Variants in PKP4 observed in about 807,000 individuals in gnomAD.
The protein encoded by PKP4 is plakophilin-4.
PKP4 carries 90 observed loss-of-function variants against 145.1 expected under a neutral mutation model. The ratio of observed to expected loss-of-function variants is 0.62; its 90% CI spans 0.52 to 0.74. The LOEUF is 0.74. Ranked by LOEUF, PKP4 falls within the 30% of genes least tolerant of loss-of-function variation. PKP4 has a pLI of 0.00. For synonymous variants in PKP4, 563 were observed against 577.2 expected (o/e 0.98, Z 0.35); for missense variants, 1,340 against 1,482.7 (o/e 0.90, Z 1.58).
intron 2 of PKP4, among the ~76,000 whole-genome samples, chr2:158,566,744 A>G (rs2047020877): frequency 1.3e-5 from 2 of 152,156 alleles, no homozygotes; most frequent in African/African-American, 4.8e-5. Context: ...TTTGACTACT[A>G]AGGCTTTCCC....
At chr2:158,551,273 T>C (rs903489236) in intron 2 of PKP4, among the ~76,000 whole-genome samples, 17 of 152,214 alleles carry the variant, frequency 1.1e-4, no homozygotes, top group African/African-American at 4.1e-4. Context: ...ACTGTTTGCC[T>C]CTAGGTTGTT....
intron 12 of PKP4, chr2:158,658,545 C>T (rs986639287): frequency 5.0e-6 from 2 of 396,804 alleles, no homozygotes; most frequent in Non-Finnish European, 8.8e-6. Context: ...CTCAGAAAGG[C>T]CCTTTCAGTC....
Position 158,624,862 on chromosome 2 carries a change from C to T in PKP4, c.604-16C>T, listed in dbSNP as rs374426398. Reference sequence around the variant, plus strand: ...CCTGGATAAACCCATTCTCTTTTTTCCCCCCCTTTCATCAGCCATCAGTAG... The same window carrying T: ...CCTGGATAAACCCATTCTCTTTTTTTCCCCCCTTTCATCAGCCATCAGTAG... On this transcript the variant is annotated splice_polypyrimidine_tract_variant and intron_variant, in intron 6 of 21. Transcript: ENST00000389759. 2.0e-6 allele frequency: 3 copies of T among 1,536,838 alleles called. No individual in the cohort carries two copies. The highest frequency in any genetic ancestry group is 2.3e-5 in the East Asian group (1 of 44,116).
Position 158,666,510 on chromosome 2 carries a change from T to C in PKP4, c.2675T>C (p.Val892Ala), listed in dbSNP as rs1199235418. 6.2e-7 allele frequency: 1 copy of C among 1,613,766 alleles called. No homozygotes were observed. The highest frequency in any genetic ancestry group is 1.3e-5 in the African/African-American group (1 of 75,034). ...GATAACGATAGAGTTGTTTCTTCCG[T>C]GGCAACAGCCTTGAGGAATATGGCA... ...RMDNDRVVSS[V>A]ATALRNMALD... The change falls in exon 16 of 22, where the codon GTG becomes GCG. Residue 892 changes from valine to alanine, a missense_variant. Coordinates refer to ENST00000389759, the MANE Select transcript of PKP4 (RefSeq NM_003628.6).
At chr2:158,581,322 G>C (rs1445257846) in intron 3 of PKP4, among the ~76,000 whole-genome samples, 5 of 152,144 alleles carry the variant, frequency 3.3e-5, no homozygotes, top group Non-Finnish European at 5.9e-5. Context: ...AGTTTAATCA[G>C]CAAACTGGGG....
intron 2 of PKP4, among the ~76,000 whole-genome samples, chr2:158,571,258 T>A (rs945205710): frequency 6.6e-6 from 1 of 152,124 alleles, no homozygotes; most frequent in African/African-American, 2.4e-5. Context: ...CAAAAGACAA[T>A]GAGCTTTTGC....
chr2:158,492,830 T>G (rs1055527900), intron 1 of PKP4, among the ~76,000 whole-genome samples: 2 of 152,252 alleles, frequency 1.3e-5, no homozygotes, highest in African/African-American at 4.8e-5. Context: ...AACCAAAAGA[T>G]GGACTACCCA....
At chr2:158,581,202 C>G (rs1253554475) in intron 3 of PKP4, among the ~76,000 whole-genome samples, 2 of 152,150 alleles carry the variant, frequency 1.3e-5, no homozygotes, top group Admixed American at 6.5e-5. Context: ...GACCCAGGCC[C>G]CCTTTCCGGT....
chr2:158,504,722 G>A (rs1032273632), intron 1 of PKP4, among the ~76,000 whole-genome samples: 4 of 151,648 alleles, frequency 2.6e-5, no homozygotes, highest in South Asian at 2.1e-4. Flanking sequence ...TAAATGTATC[G>A]CAAATCAGAT....
intron 8 of PKP4, among the ~76,000 whole-genome samples, 167 bp from the exon 9 acceptor site, chr2:158,633,903 T>G (rs949135590): frequency 3.3e-5 from 5 of 152,214 alleles, no homozygotes; most frequent in Non-Finnish European, 7.3e-5. Context: ...ATTAAAAACT[T>G]AAGTACCCTT....
chr2:158,534,534 T>C (rs1173712930), intron 2 of PKP4, among the ~76,000 whole-genome samples: 1 of 152,228 alleles, frequency 6.6e-6, no homozygotes, highest in Admixed American at 6.5e-5. Flanking sequence ...GACTCTTCGA[T>C]AGCACTTCAT....
intron 1 of PKP4, among the ~76,000 whole-genome samples, chr2:158,469,004 C>A (rs1283400702): frequency 1.3e-5 from 2 of 151,964 alleles, no homozygotes; most frequent in Non-Finnish European, 2.9e-5. Flanking sequence ...GTCTCGAACT[C>A]CTGGCCACAA....
chr2:158,522,371 G>C (rs2042453472), intron 1 of PKP4, among the ~76,000 whole-genome samples: 1 of 152,158 alleles, frequency 6.6e-6, no homozygotes, highest in South Asian at 2.1e-4. Context: ...AGTCATACTA[G>C]AGTATATGTG....
chr2:158,630,999 G>A (rs11901792), intron 7 of PKP4, among the ~76,000 whole-genome samples: 11,283 of 152,096 alleles, frequency 0.074, 486 homozygotes, highest in South Asian at 0.11. Flanking sequence ...GTGCAGTGGC[G>A]CAATCTTGGC....
intron 1 of PKP4, among the ~76,000 whole-genome samples, chr2:158,460,723 G>C (rs1294403635): frequency 6.6e-6 from 1 of 152,186 alleles, no homozygotes; most frequent in African/African-American, 2.4e-5. Flanking sequence ...TTACTATAGG[G>C]TTATTTTAGG....
chr2:158,624,785 A>G (rs1485481773), intron 6 of PKP4, 93 bp from the exon 7 acceptor site: 3 of 940,282 alleles, frequency 3.2e-6, no homozygotes, highest in Non-Finnish European at 4.7e-6. Flanking sequence ...GTGGATTCAC[A>G]TTCTGTAGTG....
chr2:158,495,325 C>G (rs1188577419), intron 1 of PKP4, among the ~76,000 whole-genome samples: 1 of 146,216 alleles, frequency 6.8e-6, no homozygotes. Flanking sequence ...GTTGGACTCA[C>G]ATTGCTACAA....
intron 1 of PKP4, among the ~76,000 whole-genome samples, chr2:158,519,143 C>CT: frequency 6.7e-6 from 1 of 149,352 alleles, no homozygotes; most frequent in Admixed American, 6.7e-5. Flanking sequence ...TAAAATCTCT[C>CT]TCTTTTTTTT....
intron 6 of PKP4, among the ~76,000 whole-genome samples, chr2:158,622,412 T>C (rs904364043): frequency 6.6e-6 from 1 of 152,172 alleles, no homozygotes; most frequent in African/African-American, 2.4e-5. Context: ...AGAGAGGCAA[T>C]AGGAGTCCTG....
Sources: allele counts gnomAD v4.1 joint callset (sites outside exome capture counted in the v4.1 genomes callset), GRCh38; gene constraint gnomAD v4.1.1; transcripts MANE v1.5; gene names NCBI Gene and HGNC (gene_info 2026-07-23, HGNC 2026-07-21).